Variants in CNTNAP2 observed in about 807,000 individuals in gnomAD.
CNTNAP2 encodes the protein contactin-associated protein-like 2.
A neutral mutation model predicts 155.2 loss-of-function variants in CNTNAP2; 98 were observed. The ratio of observed to expected loss-of-function variants is 0.63; its 90% CI spans 0.54 to 0.75. The LOEUF is 0.75. Ranked by LOEUF, CNTNAP2 falls within the 30% of genes least tolerant of loss-of-function variation. The pLI, the probability that CNTNAP2 is intolerant of heterozygous loss-of-function variation, is 0.00. For missense variants in CNTNAP2, 1,727 were observed against 1,688.1 expected, an observed-to-expected ratio of 1.02 and a Z score of -0.40; for synonymous variants, 651 against 631.2, an observed-to-expected ratio of 1.03 and a Z score of -0.47.
intron 1 of CNTNAP2, among the ~76,000 whole-genome samples, chr7:146,340,620 G>A (rs962443225): frequency 6.6e-6 from 1 of 151,910 alleles, no homozygotes; most frequent in East Asian, 1.9e-4. Flanking sequence ...TGCTAAGCAG[G>A]CAACCCTTCA....
At position 147,359,093 on chromosome 7, in the gene CNTNAP2, T is replaced by A. The variant is rs868818433; in HGVS notation, c.1499-36516T>A. On this transcript the variant is annotated intron_variant, in intron 9 of 23. Coordinates refer to ENST00000361727, the MANE Select transcript of CNTNAP2 (RefSeq NM_014141.6). ...AGTTATCCCTAAACAAGCTGAATAT[T>A]TAGTTTACTTTTCTGCATCTCATAG... 3.9e-5 allele frequency among the ~76,000 whole-genome samples: 6 copies of A among 152,276 alleles called. No individual in the cohort carries two copies. In the South Asian group the frequency reaches 6.2e-4, roughly 16 times the overall value.
At chr7:147,155,803 C>T (rs945982104) in intron 8 of CNTNAP2, among the ~76,000 whole-genome samples, 5 of 151,848 alleles carry the variant, frequency 3.3e-5, no homozygotes, top group African/African-American at 1.2e-4. Flanking sequence ...GGGAAAGGTG[C>T]CCCTGAGAAG....
At position 147,204,650 on chromosome 7, in the gene CNTNAP2, T is replaced by A. The variant is rs137941346; in HGVS notation, c.1348+72141T>A. ...AGGTACCTAGTGTTGATGATTTATA[T>A]TTATGATTTTATAGGTAATGTAATG... On this transcript the variant is annotated intron_variant, in intron 8 of 23. Transcript: ENST00000361727. Among the ~76,000 whole-genome samples the A allele has an allele frequency of 3.5e-4, 54 of 152,278 alleles. 1 individual carries two copies. The highest frequency in any genetic ancestry group is 1.2e-3 in the African/African-American group (49 of 41,584).
At chr7:147,621,251 C>A (rs57941889) in intron 12 of CNTNAP2, among the ~76,000 whole-genome samples, 13,652 of 151,888 alleles carry the variant, frequency 0.09, 1,705 homozygotes, top group African/African-American at 0.26. Context: ...CTTCAGTCCA[C>A]AAGATAAAGG....
chr7:147,079,791 A>G (rs1057062941), intron 4 of CNTNAP2, among the ~76,000 whole-genome samples: 1 of 152,038 alleles, frequency 6.6e-6, no homozygotes, highest in African/African-American at 2.4e-5. Context: ...AGCAAACACA[A>G]TAACAATCCC....
At chr7:146,518,494 C>T (rs1329655821) in intron 1 of CNTNAP2, among the ~76,000 whole-genome samples, 1 of 151,716 alleles carries the variant, frequency 6.6e-6, no homozygotes, top group Non-Finnish European at 1.5e-5. Context: ...TAAACTTTAT[C>T]CTGAGTCACC....
chr7:147,114,311 A>G (rs1055742625), intron 5 of CNTNAP2, among the ~76,000 whole-genome samples: 2 of 152,156 alleles, frequency 1.3e-5, no homozygotes, highest in Non-Finnish European at 2.9e-5. Flanking sequence ...AGAATTCTGT[A>G]TATATCTATC....
intron 1 of CNTNAP2, among the ~76,000 whole-genome samples, chr7:146,148,913 T>A (rs879511059): frequency 6.6e-6 from 1 of 151,858 alleles, no homozygotes; most frequent in Non-Finnish European, 1.5e-5. Context: ...ATGAGTATAG[T>A]GTTATATTGC....
At chr7:147,669,333 A>G (rs1795749321) in intron 13 of CNTNAP2, among the ~76,000 whole-genome samples, 1 of 152,238 alleles carries the variant, frequency 6.6e-6, no homozygotes, top group African/African-American at 2.4e-5. Flanking sequence ...TAATGTGAAA[A>G]TCATATTTCA....
intron 14 of CNTNAP2, among the ~76,000 whole-genome samples, chr7:147,926,068 T>A (rs1020635376): frequency 3.3e-5 from 5 of 152,334 alleles, no homozygotes; most frequent in African/African-American, 1.2e-4. Flanking sequence ...ATATATTTAA[T>A]TACGCTCTAC....
chr7:146,232,571 T>C (rs1042934325), intron 1 of CNTNAP2, among the ~76,000 whole-genome samples: 2 of 151,916 alleles, frequency 1.3e-5, no homozygotes, highest in East Asian at 1.9e-4. Context: ...AATCTATTGT[T>C]TTTTTGGTTT....
intron 15 of CNTNAP2, among the ~76,000 whole-genome samples, chr7:148,010,052 A>G (rs1360692052): frequency 6.6e-6 from 1 of 151,986 alleles, no homozygotes; most frequent in Non-Finnish European, 1.5e-5. Context: ...TTTTAATTTT[A>G]TTTTGACTCA....
chr7:146,279,438 ACACAC>A, intron 1 of CNTNAP2, among the ~76,000 whole-genome samples: 1 of 144,324 alleles, frequency 6.9e-6, no homozygotes, highest in African/African-American at 2.9e-5. Context: ...AAACACACAC[ACACAC>A]ACACACACAC....
At chr7:147,041,301 C>T (rs1799254595) in intron 3 of CNTNAP2, among the ~76,000 whole-genome samples, 1 of 152,088 alleles carries the variant, frequency 6.6e-6, no homozygotes, top group Non-Finnish European at 1.5e-5. Context: ...AATCTACAAT[C>T]TTAGTTCAAA....
intron 20 of CNTNAP2, among the ~76,000 whole-genome samples, chr7:148,230,337 A>G (rs910602944): frequency 6.6e-6 from 1 of 152,170 alleles, no homozygotes; most frequent in Admixed American, 6.5e-5. Flanking sequence ...CTTCAGGTTC[A>G]TTGACGACCC....
At chr7:147,346,836 T>G (rs1012713216) in intron 9 of CNTNAP2, among the ~76,000 whole-genome samples, 1 of 152,206 alleles carries the variant, frequency 6.6e-6, no homozygotes, top group Non-Finnish European at 1.5e-5. Flanking sequence ...CAAACTTTAT[T>G]TTCCACTTGC....
intron 13 of CNTNAP2, among the ~76,000 whole-genome samples, chr7:147,856,480 C>G (rs1401740389): frequency 6.6e-6 from 1 of 152,146 alleles, no homozygotes; most frequent in Non-Finnish European, 1.5e-5. Flanking sequence ...CACACGAATC[C>G]TCCTCTATGT....
At chr7:146,842,084 AC>A (rs889083362) in intron 3 of CNTNAP2, among the ~76,000 whole-genome samples, 4 of 152,106 alleles carry the variant, frequency 2.6e-5, no homozygotes, top group Non-Finnish European at 4.4e-5. Flanking sequence ...ACAGGGTTTC[AC>A]CAGGTTGGTC....
At chr7:147,226,167 G>A (rs1803539238) in intron 8 of CNTNAP2, among the ~76,000 whole-genome samples, 1 of 152,152 alleles carries the variant, frequency 6.6e-6, no homozygotes, top group African/African-American at 2.4e-5. Context: ...CTGATAAGGT[G>A]TCATTATCCC....
Sources: allele counts gnomAD v4.1 joint callset (sites outside exome capture counted in the v4.1 genomes callset), GRCh38; gene constraint gnomAD v4.1.1; transcripts MANE v1.5; gene names NCBI Gene and HGNC (gene_info 2026-07-23, HGNC 2026-07-21).